Variants in VASN observed in about 807,000 individuals in gnomAD.
VASN encodes the protein vasorin, also known as protein slit-like 2.
VASN carries 5 observed loss-of-function variants against 4.8 expected under a neutral mutation model. The ratio of observed to expected loss-of-function variants is 1.03; its 90% confidence interval spans 0.54 to 2.17. The LOEUF is 2.17. Ranked by LOEUF, VASN falls within the 30% of genes most tolerant of loss-of-function variation. The probability of loss-of-function intolerance (pLI) is 0.01; values close to 1 mark genes in which losing one functional copy is unlikely to be tolerated. For synonymous variants in VASN, 499 were observed against 460.8 expected, an observed-to-expected ratio of 1.08 and a Z score of -1.06; for missense variants, 927 against 948.8, an observed-to-expected ratio of 0.98 and a Z score of 0.30.
rs773395579 is a variant in VASN at position 4,380,962 on chromosome 16, C to G, written c.85C>G (p.Gln29Glu). 5.6e-6 allele frequency: 9 copies of G among 1,602,996 alleles called. No homozygotes were observed. Among genetic ancestry groups the G allele is most frequent in the Admixed American group, 1.7e-5 (1 of 59,428 alleles). ...GGTGCAGGGCTGCCCATCCGGCTGC[C>G]AGTGCAGCCAGCCACAGACAGTCTT... is the stretch of plus-strand genomic sequence containing the variant. ...PGVQGCPSGC[Q>E]CSQPQTVFCT... The change falls in exon 2 of 2, where the codon CAG (glutamine) becomes GAG (glutamate). Residue 29 changes from glutamine to glutamate, a missense_variant. Physicochemically the swap from Gln to Glu is conservative, Grantham distance 29 (BLOSUM62 2). Transcript: ENST00000304735.
rs1197974416 is a variant in VASN at position 4,372,262 on chromosome 16, ACACCCCGTCC to A, written c.-10+272_-10+281del. On this transcript the variant is annotated intron_variant, in intron 1 of 1. Transcript: ENST00000304735. ...GCGAGGCTGCAAGCAGACAAAATAA[ACACCCCGTCC>A]CATGCTTCCTCCTCCCACGGCTGGG... 1.3e-5 allele frequency among the ~76,000 whole-genome samples: 2 copies of A among 152,080 alleles called. 1 individual carries two copies. The highest frequency in any genetic ancestry group is 2.9e-5 in the Non-Finnish European group (2 of 67,992).
chr16:4,381,972 G>T lies in VASN; in HGVS notation c.1095G>T (p.Val365=). ...TATVPTTRPV[V]REPTALSSSL... is the part of the protein sequence containing the mutation. ...CAGTGCCCACCACGAGGCCCGTGGT[G>T]CGGGAGCCCACAGCCTTGTCTTCTA... The change falls in exon 2 of 2, where the codon GTG becomes GTT. Residue 365 remains valine, a synonymous_variant. Coordinates refer to ENST00000304735, the MANE Select transcript of VASN (RefSeq NM_138440.3). The T allele has an allele frequency of 6.2e-7, 1 of 1,608,232 alleles. No homozygotes were observed. The highest frequency in any genetic ancestry group is 8.5e-7 in the Non-Finnish European group (1 of 1,178,748).
Position 4,381,920 on chromosome 16 carries a change from G to C in VASN, c.1043G>C (p.Gly348Ala). 1.9e-6 allele frequency: 3 copies of C among 1,606,616 alleles called. No individual in the cohort carries two copies. The highest frequency in any genetic ancestry group is 1.3e-5 in the African/African-American group (1 of 74,976). The stretch of plus-strand genomic sequence containing the variant: ...CTGGAGCTTGACTACGCCGACTTTG[G>C]CTGCCCAGCCACCACCACCACAGCC... Reference protein sequence around the residue: ...LLLELDYADFGCPATTTTATV... With the variant: ...LLLELDYADFACPATTTTATV... The change falls in exon 2 of 2, where the codon GGC becomes GCC. Residue 348 changes from glycine to alanine, a missense_variant. By Grantham distance (60) the Gly-to-Ala change is moderately conservative. Coordinates refer to ENST00000304735, the MANE Select transcript of VASN (RefSeq NM_138440.3).
In VASN at chr16:4,381,281, G is replaced by T; in HGVS notation, c.404G>T (p.Arg135Leu). 1 of 1,611,088 alleles carries T rather than the reference G, an allele frequency of 6.2e-7. No individual in the cohort carries two copies. The highest frequency in any genetic ancestry group is 8.5e-7 in the Non-Finnish European group (1 of 1,179,318). The change falls in exon 2 of 2, where the codon CGC (arginine) becomes CTC (leucine). Residue 135 changes from arginine to leucine, a missense_variant. Coordinates refer to ENST00000304735, the MANE Select transcript of VASN (RefSeq NM_138440.3). ...GAGCGCCTCTACCTGGGCAAGAACC[G>T]CATCCGCCACATCCAGCCTGGTGCC... ...RLERLYLGKN[R>L]IRHIQPGAFD...
intron 1 of VASN, among the ~76,000 whole-genome samples, chr16:4,373,076 C>T (rs1421553159): frequency 1.3e-5 from 2 of 152,088 alleles, no homozygotes; most frequent in African/African-American, 2.4e-5. Flanking sequence ...AGGGCCAGTC[C>T]AGGGGGCAGC....
intron 1 of VASN, among the ~76,000 whole-genome samples, chr16:4,372,560 A>C (rs2054574667): frequency 2.0e-5 from 3 of 152,092 alleles, no homozygotes; most frequent in Non-Finnish European, 4.4e-5. Flanking sequence ...CAGGGCCCTT[A>C]GAGCTTCGGG....
chr16:4,382,305 G>A lies in VASN; in HGVS notation c.1428G>A (p.Leu476=), dbSNP rs1172910094. 3.1e-6 allele frequency: 5 copies of A among 1,610,528 alleles called. No homozygotes were observed. The highest frequency in any genetic ancestry group is 4.2e-6 in the Non-Finnish European group (5 of 1,179,136). Residue 476 remains leucine (L), a synonymous_variant, in exon 2 of 2, where the codon CTG becomes CTA. Coordinates refer to ENST00000304735, the MANE Select transcript of VASN (RefSeq NM_138440.3). ...TCGAGCCGGTGAGCCCCACCTCCCT[G>A]CGCGTGGGGCTGCAGCGCTACCTCC... ...LGIEPVSPTS[L]RVGLQRYLQG...
chr16:4,381,007 A>G lies in VASN; in HGVS notation c.130A>G (p.Thr44Ala). ...AGTCTTCTGCACTGCCCGCCAGGGG[A>G]CCACGGTGCCCCGAGACGTGCCACC... Reference protein sequence around the residue: ...QTVFCTARQGTTVPRDVPPDT... With the variant: ...QTVFCTARQGATVPRDVPPDT... Residue 44 changes from threonine (T) to alanine (A), a missense_variant, in exon 2 of 2, where the codon ACC (threonine) becomes GCC (alanine). Coordinates refer to ENST00000304735, the MANE Select transcript of VASN (RefSeq NM_138440.3). The G allele has an allele frequency of 6.2e-7, 1 of 1,608,904 alleles. No individual in the cohort carries two copies. The highest frequency in any genetic ancestry group is 8.5e-7 in the Non-Finnish European group (1 of 1,178,750).
Position 4,380,853 on chromosome 16 carries a change from T to C in VASN, c.-9-16T>C. The C allele has an allele frequency of 6.8e-7, 1 of 1,470,232 alleles. No homozygotes were observed. The highest frequency in any genetic ancestry group is 9.0e-7 in the Non-Finnish European group (1 of 1,117,160). 91.1% of individuals were successfully genotyped at this position (1,470,232 alleles called of 1,614,324 possible). A position where few individuals can be genotyped will look rare whatever the true frequency, so the allele number is the denominator to read the frequency against. On this transcript the variant is annotated splice_polypyrimidine_tract_variant and intron_variant, in intron 1 of 1. Coordinates refer to ENST00000304735, the MANE Select transcript of VASN (RefSeq NM_138440.3). Reference sequence around the variant, plus strand: ...TGACTCACAGTCTTCTGTCTCTGCCTCCTCTCTGCTCCCAGGGACAGAAGA... The same window carrying C: ...TGACTCACAGTCTTCTGTCTCTGCCCCCTCTCTGCTCCCAGGGACAGAAGA...
chr16:4,372,924 C>G (rs976474405), intron 1 of VASN, among the ~76,000 whole-genome samples: 3 of 152,142 alleles, frequency 2.0e-5, no homozygotes, highest in Non-Finnish European at 2.9e-5. Flanking sequence ...GCAGCGGGAC[C>G]TAGAGCCCCC....
rs896708038 is a variant in VASN, at chr16:4,381,550, G to A, written c.673G>A (p.Asp225Asn). 12 of 1,604,736 alleles carry A rather than the reference G, an allele frequency of 7.5e-6. No homozygotes were observed. Among genetic ancestry groups the A allele is most frequent in the African/African-American group, 4.0e-5 (3 of 74,752 alleles). The change falls in exon 2 of 2, where the codon GAC becomes AAC. Residue 225 changes from aspartate (D) to asparagine (N), a missense_variant. By Grantham distance (23) the Asp-to-Asn change is conservative (BLOSUM62 1). Coordinates refer to ENST00000304735, the MANE Select transcript of VASN (RefSeq NM_138440.3). Reference protein sequence around the residue: ...LRNLHDLDVSDNQLERVPPVI... With the variant: ...LRNLHDLDVSNNQLERVPPVI... ...CAACCTCCACGACCTGGATGTGTCC[G>A]ACAACCAGCTGGAGCGAGTGCCACC... is the stretch of plus-strand genomic sequence containing the variant.
intron 1 of VASN, among the ~76,000 whole-genome samples, chr16:4,377,833 G>T (rs921395892): frequency 6.6e-6 from 1 of 152,186 alleles, no homozygotes; most frequent in African/African-American, 2.4e-5. Flanking sequence ...CACATTTTAC[G>T]GGGCTGGGAA....
At chr16:4,380,187 C>T (rs1468965866) in intron 1 of VASN, among the ~76,000 whole-genome samples, 1 of 152,172 alleles carries the variant, frequency 6.6e-6, no homozygotes, top group African/African-American at 2.4e-5. Flanking sequence ...GCTCTGTCAC[C>T]AGCCTCAGCT....
Position 4,382,181 on chromosome 16 carries a change from G to C in VASN, c.1304G>C (p.Gly435Ala), listed in dbSNP as rs141743670. Residue 435 changes from glycine (G) to alanine (A), a missense_variant, in exon 2 of 2, where the codon GGC becomes GCC. Coordinates refer to ENST00000304735, the MANE Select transcript of VASN (RefSeq NM_138440.3). ...CACCTGGCGTGCTTGTGCCCCGAAGGCTTCACGGGCCTGTACTGTGAGAGC... is the reference window on the plus strand; with the variant it reads ...CACCTGGCGTGCTTGTGCCCCGAAGCCTTCACGGGCCTGTACTGTGAGAGC... ...RHHLACLCPE[G>A]FTGLYCESQM... 65 of 1,598,146 alleles carry C rather than the reference G, an allele frequency of 4.1e-5. No homozygotes were observed. In the African/African-American group the frequency reaches 8.0e-4, roughly 20 times the overall value.
intron 1 of VASN, among the ~76,000 whole-genome samples, chr16:4,376,434 G>A (rs752523619): frequency 3.3e-5 from 5 of 152,182 alleles, no homozygotes; most frequent in Non-Finnish European, 7.4e-5. Context: ...GACCTGCAGC[G>A]CCTGTCCTGC....
In VASN at chr16:4,383,138, C is replaced by G; in HGVS notation, c.*239C>G. 1 of 502,634 alleles carries G rather than the reference C, an allele frequency of 2.0e-6. No homozygotes were observed. Among genetic ancestry groups the G allele is most frequent in the Non-Finnish European group, 3.5e-6 (1 of 283,224 alleles). 31.1% of individuals were successfully genotyped at this position (502,634 alleles called of 1,614,324 possible). On this transcript the variant is annotated 3_prime_UTR_variant, in exon 2 of 2. Coordinates refer to ENST00000304735, the MANE Select transcript of VASN (RefSeq NM_138440.3). ...ACCGAGTGCCTATGAGGACAGTGTC[C>G]GCCCTGCCCTCCGCAACGTGCAGTC...
Position 4,382,215 on chromosome 16 carries a change from G to A in VASN, c.1338G>A (p.Gly446=), listed in dbSNP as rs770703988. Residue 446 remains glycine (G), a synonymous_variant, in exon 2 of 2, where the codon GGG becomes GGA. Transcript: ENST00000304735. ...FTGLYCESQM[G]QGTRPSPTPV... ...GCCTGTACTGTGAGAGCCAGATGGG[G>A]CAGGGGACACGGCCCAGCCCTACAC... 1.9e-6 allele frequency: 3 copies of A among 1,604,560 alleles called. No homozygotes were observed. Among genetic ancestry groups the A allele is most frequent in the Non-Finnish European group, 2.5e-6 (3 of 1,177,370 alleles).
At chr16:4,375,244 G>A (rs1567265873) in intron 1 of VASN, among the ~76,000 whole-genome samples, 2 of 152,188 alleles carry the variant, frequency 1.3e-5, no homozygotes, top group African/African-American at 4.8e-5. Flanking sequence ...GCACCCACCT[G>A]GGGCCGGGCC....
intron 1 of VASN, among the ~76,000 whole-genome samples, chr16:4,380,165 C>T (rs1050009068): frequency 1.3e-5 from 2 of 152,130 alleles, no homozygotes; most frequent in African/African-American, 4.8e-5. Context: ...GCCCTGTGGC[C>T]CCCCAGCTCC....
Sources: gnomAD v4.1 joint callset for allele counts (sites outside exome capture counted in the v4.1 genomes callset) on GRCh38, gnomAD v4.1.1 for gene constraint, MANE v1.5 for transcripts, NCBI Gene and HGNC (gene_info 2026-07-23, HGNC 2026-07-21) for gene names.